RLN1: variants seen among roughly 807,000 people sequenced by gnomAD.
RLN1 encodes relaxin 1, also known as prorelaxin H1.
In RLN1, 4 loss-of-function variants were observed where a neutral mutation model predicts 7.2. That is an observed-to-expected ratio of 0.56 (90% CI 0.28 to 1.28). The LOEUF is 1.28. RLN1 is among the 50% of genes most tolerant of loss of function. RLN1 has a pLI of 0.11. For missense variants in RLN1, 293 were observed against 221.1 expected (o/e 1.32, Z -2.06); for synonymous variants, 105 against 86.0 (o/e 1.22, Z -1.22).
At chr9:5,339,505 G>C in intron 1 of RLN1, 31 bp downstream of exon 1, 1 of 1,471,272 alleles carries the variant, frequency 6.8e-7, no homozygotes, top group Non-Finnish European at 9.2e-7. Context: ...TGGGAAGCGC[G>C]GGAAGGCCGG....
chr9:5,340,616 A>G (rs1816972289), upstream of RLN1, among the ~76,000 whole-genome samples: 2 of 152,220 alleles, frequency 1.3e-5, no homozygotes, highest in South Asian at 4.1e-4. Flanking sequence ...TAATATTTTG[A>G]TAACAAATTA....
In RLN1 at chr9:5,339,698, T is replaced by A. The variant is rs1473218159; in HGVS notation, c.49A>T (p.Asn17Tyr). Residue 17 changes from asparagine (N) to tyrosine (Y), a missense_variant, in exon 1 of 2, where the codon AAC (asparagine) becomes TAC (tyrosine). By Grantham distance (143) the Asn-to-Tyr change is moderately radical. Coordinates refer to ENST00000223862, the MANE Select transcript of RLN1 (RefSeq NM_006911.4). The stretch of plus-strand genomic sequence containing the variant: ...GCCGCGACTGCTCTGGAAAATTGGT[T>A]CAGTAGTAAACAGAATTCTAGCAGG... ...FHLLEFCLLLNQFSRAVAAKW... is the reference protein window; with the variant it reads ...FHLLEFCLLLYQFSRAVAAKW... 3 of 1,613,126 alleles carry A rather than the reference T, an allele frequency of 1.9e-6. No homozygotes were observed. The Admixed American group carries it at 5.0e-5, about 27-fold the overall frequency.
chr9:5,337,664 T>C (rs966583365), intron 1 of RLN1, among the ~76,000 whole-genome samples: 1 of 152,018 alleles, frequency 6.6e-6, no homozygotes, highest in Non-Finnish European at 1.5e-5. Context: ...GACATGTACT[T>C]CCAAAGCGAT....
rs557985361 is a variant in RLN1, at chr9:5,335,632, G to A, written c.212-35C>T. On this transcript the variant is annotated intron_variant, in intron 1 of 1. Coordinates refer to ENST00000223862, the MANE Select transcript of RLN1 (RefSeq NM_006911.4). The stretch of plus-strand genomic sequence containing the variant: ...TTAAAAAAAAAGTGTATGTGAAGGC[G>A]TATTCACGTCAAAGAGCATTCAGAA... 417 of 1,377,040 alleles carry A rather than the reference G, an allele frequency of 3.0e-4. 1 individual carries two copies. Among genetic ancestry groups the A allele is most frequent in the Middle Eastern group, 1.3e-3 (7 of 5,278 alleles). The allele number at this position is 1,377,040 out of a possible 1,614,324, so 85.3% of individuals were successfully genotyped here.
At chr9:5,336,386 T>C (rs1288460058) in intron 1 of RLN1, among the ~76,000 whole-genome samples, 1 of 152,002 alleles carries the variant, frequency 6.6e-6, no homozygotes, top group African/African-American at 2.4e-5. Flanking sequence ...GTGTGATTCC[T>C]AGGAAGGGCC....
Position 5,335,004 on chromosome 9 carries a change from C to A in RLN1, c.*247G>T. 2 of 359,608 alleles carry A rather than the reference C, an allele frequency of 5.6e-6. No homozygotes were observed. Among genetic ancestry groups the A allele is most frequent in the African/African-American group, 2.1e-5 (1 of 47,490 alleles). 22.3% of individuals were successfully genotyped at this position (359,608 alleles called of 1,614,324 possible). A position where few individuals can be genotyped will look rare whatever the true frequency, so the allele number is the denominator to read the frequency against. ...AGGTTTTATTGTAATTTTAAGTTAA[C>A]AGCATTAAAAAGAATCAACACAATT... On this transcript the variant is annotated 3_prime_UTR_variant, in exon 2 of 2. Coordinates refer to ENST00000223862, the MANE Select transcript of RLN1 (RefSeq NM_006911.4).
chr9:5,339,557 G>A lies in RLN1; in HGVS notation c.190C>T (p.Gln64Ter), dbSNP rs767689960. 26 of 1,599,470 alleles carry A rather than the reference G, an allele frequency of 1.6e-5. No individual in the cohort carries two copies. The highest frequency in any genetic ancestry group is 2.1e-5 in the Non-Finnish European group (25 of 1,175,788). ...TCACCTGCCACTGGTCTAGGTGTCT[G>A]AGGAGCATCTTCCTGGCTCAGAGAC... ...KRSLSQEDAP[Q>*]TPRPVAEIVP... The change falls in exon 1 of 2, where the codon CAG (glutamine) becomes TAG (stop). Residue 64 changes from glutamine (Q) to a stop codon, truncating the protein, a stop_gained. Transcript: ENST00000223862. LOFTEE classifies it low-confidence loss of function (END_TRUNC).
At chr9:5,336,407 C>T (rs749633474) in intron 1 of RLN1, among the ~76,000 whole-genome samples, 1 of 152,026 alleles carries the variant, frequency 6.6e-6, no homozygotes, top group Non-Finnish European at 1.5e-5. Flanking sequence ...TGTTCTTACA[C>T]AGCATCCCAG....
At chr9:5,340,418 T>C (rs73639285), upstream of RLN1, among the ~76,000 whole-genome samples, 3,250 of 152,290 alleles carry the variant, frequency 0.021, 98 homozygotes, top group African/African-American at 0.068. Context: ...CATTGGACTT[T>C]CCTTCCACTC....
chr9:5,338,077 A>AT (rs1816935468), intron 1 of RLN1, among the ~76,000 whole-genome samples: 2 of 146,980 alleles, frequency 1.4e-5, no homozygotes, highest in African/African-American at 5.1e-5. Flanking sequence ...TTACTTGTTT[A>AT]ATATAATTTC....
chr9:5,336,666 A>T (rs1816900467), intron 1 of RLN1, among the ~76,000 whole-genome samples: 1 of 152,132 alleles, frequency 6.6e-6, no homozygotes. Flanking sequence ...TATTTCACAA[A>T]GAAATAAACA....
chr9:5,338,022 AAG>A (rs767631569), intron 1 of RLN1, among the ~76,000 whole-genome samples: 1,820 of 151,200 alleles, frequency 0.012, 60 homozygotes, highest in African/African-American at 0.042. Flanking sequence ...GAAAATGCAA[AAG>A]ATATATACAT....
Position 5,338,187 on chromosome 9 carries a change from A to G in RLN1, c.211+1349T>C, listed in dbSNP as rs1423991045. 2.9e-5 allele frequency among the ~76,000 whole-genome samples: 3 copies of G among 104,242 alleles called. No individual in the cohort carries two copies. In the East Asian group the frequency reaches 7.6e-4, roughly 27 times the overall value. 68.4% of individuals were successfully genotyped at this position (104,242 alleles called of 152,430 possible). A position where few individuals can be genotyped will look rare whatever the true frequency, so the allele number is the denominator to read the frequency against. On this transcript the variant is annotated intron_variant, in intron 1 of 1. Transcript: ENST00000223862. The stretch of plus-strand genomic sequence containing the variant: ...TTAATGTACATTTGTCTTTAATATG[A>G]GCATTACTACTTTTATAGTCAGAAA...
upstream of RLN1, among the ~76,000 whole-genome samples, chr9:5,340,194 C>T (rs184731971): frequency 1.1e-3 from 172 of 152,184 alleles, no homozygotes; most frequent in Non-Finnish European, 2.1e-3. Flanking sequence ...ACCCTTCTAA[C>T]CTAAATAGGA....
In RLN1 at chr9:5,337,906, T is replaced by C. The variant is rs471037; in HGVS notation, c.211+1630A>G. Among the ~76,000 whole-genome samples the C allele has an allele frequency of 6.3e-4, 96 of 152,154 alleles. 1 individual carries two copies. The highest frequency in any genetic ancestry group is 1.7e-3 in the South Asian group (8 of 4,818). ...TAAACTAAATATCCACCAAAGAATC[T>C]TTAAGTTTATGTGGCAGATTTATGA... On this transcript the variant is annotated intron_variant, in intron 1 of 1. Coordinates refer to ENST00000223862, the MANE Select transcript of RLN1 (RefSeq NM_006911.4).
In RLN1 at chr9:5,339,799, G is replaced by C. The variant is rs2273784; in HGVS notation, c.-53C>G. The C allele has an allele frequency of 3.8e-6, 6 of 1,572,812 alleles. No homozygotes were observed. Among genetic ancestry groups the C allele is most frequent in the Non-Finnish European group, 5.2e-6 (6 of 1,145,216 alleles). ...GGGTGTTGCAGCCTTTCAGGACTGC[G>C]GCTGCTGTGGCCTACACACCTGGGC... On this transcript the variant is annotated 5_prime_UTR_variant, in exon 1 of 2. Transcript: ENST00000223862.
intron 1 of RLN1, among the ~76,000 whole-genome samples, chr9:5,336,650 G>A (rs1435606367): frequency 6.6e-6 from 1 of 152,024 alleles, no homozygotes; most frequent in Admixed American, 6.6e-5. Context: ...TACAATTTAA[G>A]AGTTTTATTT....
In RLN1 at chr9:5,336,128, AAT is replaced by A. The variant is rs367700423; in HGVS notation, c.212-533_212-532del. On this transcript the variant is annotated intron_variant, in intron 1 of 1. Coordinates refer to ENST00000223862, the MANE Select transcript of RLN1 (RefSeq NM_006911.4). Reference sequence around the variant, plus strand: ...AAGAGGCAGCATTTCCAACACCTGTAATCTAATCAGCAGGAGAAGGAAATCTC... The same window carrying A: ...AAGAGGCAGCATTTCCAACACCTGTACTAATCAGCAGGAGAAGGAAATCTC... 6.2e-4 allele frequency among the ~76,000 whole-genome samples: 95 copies of A among 152,144 alleles called. 1 individual carries two copies. The highest frequency in any genetic ancestry group is 2.0e-3 in the African/African-American group (83 of 41,488).
intron 1 of RLN1, among the ~76,000 whole-genome samples, chr9:5,335,983 C>T (rs2131030988): frequency 6.6e-6 from 1 of 152,176 alleles, no homozygotes; most frequent in East Asian, 1.9e-4. Flanking sequence ...AACTCGTTTT[C>T]TTCCATTGCT....
Sources: allele counts gnomAD v4.1 joint callset (sites outside exome capture counted in the v4.1 genomes callset), GRCh38; gene constraint gnomAD v4.1.1; transcripts MANE v1.5; gene names NCBI Gene and HGNC (gene_info 2026-07-23, HGNC 2026-07-21).